Variants in PTGR2 observed in about 807,000 individuals in gnomAD.
The protein encoded by PTGR2 is prostaglandin reductase 2.
In PTGR2, 32 loss-of-function variants were observed where a neutral mutation model predicts 43.4. The ratio of observed to expected loss-of-function variants is 0.74; its 90% CI spans 0.56 to 0.99. The LOEUF (loss-of-function observed/expected upper bound fraction) is 0.99. Ranked by LOEUF, PTGR2 falls within the 50% of genes least tolerant of loss-of-function variation. The pLI is 0.00. For synonymous variants in PTGR2, 106 were observed against 139.2 expected (o/e 0.76, Z 1.68); for missense variants, 373 against 420.0 (o/e 0.89, Z 0.98).
At chr14:73,876,773 G>A (rs540687574) in intron 4 of PTGR2, among the ~76,000 whole-genome samples, 1 of 152,112 alleles carries the variant, frequency 6.6e-6, no homozygotes, top group African/African-American at 2.4e-5. Flanking sequence ...CACTGTGCCC[G>A]GCCTGGACAC....
chr14:73,863,733 AC>A (rs2054543707), intron 3 of PTGR2, among the ~76,000 whole-genome samples: 1 of 151,374 alleles, frequency 6.6e-6, no homozygotes, highest in South Asian at 2.1e-4. Flanking sequence ...TCATGCCTCA[AC>A]CTCCCGAGTA....
At chr14:73,876,190 C>G (rs2054861141) in intron 4 of PTGR2, among the ~76,000 whole-genome samples, 1 of 152,090 alleles carries the variant, frequency 6.6e-6, no homozygotes, top group Admixed American at 6.5e-5. Context: ...AGAATTTTAG[C>G]AAGACTGATG....
Position 73,877,492 on chromosome 14 carries a change from T to C in PTGR2, c.519+324T>C, listed in dbSNP as rs185274213. On this transcript the variant is annotated intron_variant, in intron 5 of 9. Coordinates refer to ENST00000555661, the MANE Select transcript of PTGR2 (RefSeq NM_001146154.2). Reference sequence around the variant, plus strand: ...GTTGGCCAGGCTGTTCTCGAACTCCTGGCCTCAAGAGATCCACCTGCTTCG... The same window carrying C: ...GTTGGCCAGGCTGTTCTCGAACTCCCGGCCTCAAGAGATCCACCTGCTTCG... 678 of 166,128 alleles carry C rather than the reference T, an allele frequency of 4.1e-3. 6 individuals carry two copies. The highest frequency in any genetic ancestry group is 0.016 in the African/African-American group (657 of 41,978). 10.3% of individuals were successfully genotyped at this position (166,128 alleles called of 1,614,324 possible).
chr14:73,878,679 G>T, intron 5 of PTGR2: 2 of 416,054 alleles, frequency 4.8e-6, no homozygotes, highest in Non-Finnish European at 4.8e-6. Flanking sequence ...TGACCATAAG[G>T]GTAAACAACT....
At chr14:73,880,921 C>A (rs767003297) in intron 7 of PTGR2, among the ~76,000 whole-genome samples, 1 of 152,122 alleles carries the variant, frequency 6.6e-6, no homozygotes, top group Non-Finnish European at 1.5e-5. Flanking sequence ...CTCAGCCTCC[C>A]GAGTAGCTGG....
intron 3 of PTGR2, among the ~76,000 whole-genome samples, chr14:73,867,101 A>AAAAAAC (rs2054615938): frequency 7.1e-6 from 1 of 141,298 alleles, no homozygotes; most frequent in African/African-American, 2.6e-5. Flanking sequence ...AAAAAAAAAA[A>AAAAAAC]AAAAAAACAA....
chr14:73,878,868 G>A (rs904469044), intron 5 of PTGR2: 1 of 502,824 alleles, frequency 2.0e-6, no homozygotes, highest in African/African-American at 1.9e-5. Flanking sequence ...CCTATCATAA[G>A]TTGAGGAACA....
At position 73,854,535 on chromosome 14, in the gene PTGR2, T is replaced by A. The variant is rs144278516; in HGVS notation, c.-48+2592T>A. ...GCAGAGTGAGAGAACTTTAATAGTA[T>A]ATTTTTCATGCTGATAAGCAGTGTT... is the stretch of plus-strand genomic sequence containing the variant. On this transcript the variant is annotated intron_variant, in intron 1 of 9. Transcript: ENST00000555661. Among the ~76,000 whole-genome samples the A allele has an allele frequency of 4.4e-3, 671 of 152,360 alleles. 6 individuals carry two copies. Among genetic ancestry groups the A allele is most frequent in the African/African-American group, 0.016 (653 of 41,574 alleles).
intron 3 of PTGR2, among the ~76,000 whole-genome samples, chr14:73,870,026 C>G (rs2054690378): frequency 6.8e-6 from 1 of 147,036 alleles, no homozygotes; most frequent in Non-Finnish European, 1.5e-5. Flanking sequence ...GACTCCGTCT[C>G]AGAGAGAAAA....
chr14:73,853,277 G>A (rs2054272304), intron 1 of PTGR2, among the ~76,000 whole-genome samples: 2 of 152,054 alleles, frequency 1.3e-5, no homozygotes, highest in Non-Finnish European at 2.9e-5. Flanking sequence ...TACAAGTTGG[G>A]CGACTCTGGG....
chr14:73,870,158 C>T (rs1224727899), intron 3 of PTGR2, among the ~76,000 whole-genome samples: 1 of 151,778 alleles, frequency 6.6e-6, no homozygotes, highest in Non-Finnish European at 1.5e-5. Flanking sequence ...CAACGCAAGA[C>T]CCCAACTCTA....
intron 5 of PTGR2, chr14:73,878,794 G>A (rs1473020866): frequency 8.2e-6 from 3 of 363,938 alleles, no homozygotes; most frequent in African/African-American, 4.2e-5. Context: ...AGTAGGTTAG[G>A]TATATTAAAT....
At chr14:73,871,987 G>A (rs1027321489) in intron 3 of PTGR2, among the ~76,000 whole-genome samples, 6 of 152,188 alleles carry the variant, frequency 3.9e-5, no homozygotes, top group South Asian at 4.1e-4. Context: ...TCTCTGTTTC[G>A]TCTTTTACCC....
intron 3 of PTGR2, among the ~76,000 whole-genome samples, chr14:73,862,045 T>A (rs2054503261): frequency 6.6e-6 from 1 of 151,690 alleles, no homozygotes; most frequent in Admixed American, 6.6e-5. Context: ...ACCCAGCTAA[T>A]TTTTTGTATT....
At position 73,874,565 on chromosome 14, in the gene PTGR2, G is replaced by T. The variant is rs188033024; in HGVS notation, c.348+351G>T. The stretch of plus-strand genomic sequence containing the variant: ...GAAGGTGTTCTTTATTTGTTTCTTT[G>T]CTTGTTTGTTTGTTTTAGAGATGGG... On this transcript the variant is annotated intron_variant, in intron 4 of 9. Transcript: ENST00000555661. The T allele has an allele frequency of 3.5e-4, 162 of 460,202 alleles. 2 individuals are homozygous for T. The East Asian group carries it at 8.4e-3, about 24-fold the overall frequency. The allele number at this position is 460,202 out of a possible 1,614,324, so 28.5% of individuals were successfully genotyped here.
At chr14:73,859,081 C>T (rs2054428746) in intron 2 of PTGR2, among the ~76,000 whole-genome samples, 182 bp downstream of exon 2, 1 of 152,074 alleles carries the variant, frequency 6.6e-6, no homozygotes. Flanking sequence ...TTATCAAGAC[C>T]ATTTTTAAAC....
At chr14:73,870,876 T>C (rs2054711022) in intron 3 of PTGR2, among the ~76,000 whole-genome samples, 2 of 152,234 alleles carry the variant, frequency 1.3e-5, no homozygotes, top group South Asian at 2.1e-4. Flanking sequence ...TGTTTAGCTA[T>C]AGGGAATTAC....
chr14:73,861,883 C>CT (rs112705654), intron 3 of PTGR2, among the ~76,000 whole-genome samples: 310 of 140,976 alleles, frequency 2.2e-3, no homozygotes, highest in African/African-American at 6.8e-3. Context: ...AACTTAGTGG[C>CT]TTTTTTTTTT....
Position 73,882,433 on chromosome 14 carries a change from T to C in PTGR2, c.974T>C (p.Met325Thr). 6.4e-7 allele frequency: 1 copy of C among 1,570,244 alleles called. No individual in the cohort carries two copies. The highest frequency in any genetic ancestry group is 8.8e-7 in the Non-Finnish European group (1 of 1,140,866). Residue 325 changes from methionine to threonine, a missense_variant, in exon 9 of 10, where the codon ATG becomes ACG. Physicochemically the swap from Met to Thr is moderately conservative, Grantham distance 81 (BLOSUM62 -1). Coordinates refer to ENST00000555661, the MANE Select transcript of PTGR2 (RefSeq NM_001146154.2). The stretch of plus-strand genomic sequence containing the variant: ...ACGGTAATAAATGGGTTGGAAAACA[T>C]GGGAGGTAAGATGAATGTAGACTTA... ...KETVINGLENMGAAFQSMMTG... is the reference protein window; with the variant it reads ...KETVINGLENTGAAFQSMMTG...
Sources: gnomAD v4.1 joint callset for allele counts (sites outside exome capture counted in the v4.1 genomes callset) on GRCh38, gnomAD v4.1.1 for gene constraint, MANE v1.5 for transcripts, NCBI Gene and HGNC (gene_info 2026-07-23, HGNC 2026-07-21) for gene names.